Variants in NAV2 observed in about 807,000 individuals in gnomAD.
NAV2 encodes neuron navigator 2.
NAV2 carries 54 observed loss-of-function variants against 223.2 expected under a neutral mutation model. The ratio of observed to expected loss-of-function variants is 0.24; its 90% CI spans 0.19 to 0.30. The LOEUF is 0.30. NAV2 is among the 10% of genes least tolerant of loss of function. The pLI is 1.00. For synonymous variants in NAV2, 1,279 were observed against 1,239.3 expected, an observed-to-expected ratio of 1.03 and a Z score of -0.67; for missense variants, 2,806 against 3,147.5, an observed-to-expected ratio of 0.89 and a Z score of 2.60.
At chr11:19,390,795 A>G (rs2729854) in intron 1 of NAV2, among the ~76,000 whole-genome samples, 108,145 of 152,042 alleles carry the variant, frequency 0.71, 38,805 homozygotes, top group Admixed American at 0.77. Context: ...CAGGGGAAGA[A>G]GAAGCCAAAT....
chr11:20,048,800 C>A lies in NAV2; in HGVS notation c.3975C>A (p.Ile1325=), dbSNP rs1338439909. 41 of 1,614,070 alleles carry A rather than the reference C, an allele frequency of 2.5e-5. No homozygotes were observed. The highest frequency in any genetic ancestry group is 3.5e-5 in the Non-Finnish European group (41 of 1,180,036). Residue 1325 remains isoleucine, a synonymous_variant, in exon 15 of 38, where the codon ATC becomes ATA. Transcript: ENST00000349880. ...TAENMKNSVV[I]SNPHATMTQQ... is the part of the protein sequence containing the mutation. ...AAAACATGAAAAATTCGGTGGTCATCTCCAATCCTCATGCCACCATGACTC... is the reference window on the plus strand; with the variant it reads ...AAAACATGAAAAATTCGGTGGTCATATCCAATCCTCATGCCACCATGACTC...
intron 1 of NAV2, among the ~76,000 whole-genome samples, chr11:19,777,013 C>T (rs530949395): frequency 1.3e-5 from 2 of 151,994 alleles, no homozygotes; most frequent in South Asian, 4.1e-4. Context: ...GCGGCAGTGG[C>T]GAAGGGCCCA....
At chr11:19,812,717 A>G (rs2058893623) in intron 1 of NAV2, among the ~76,000 whole-genome samples, 1 of 152,104 alleles carries the variant, frequency 6.6e-6, no homozygotes, top group Non-Finnish European at 1.5e-5. Flanking sequence ...TGATTTAAAC[A>G]CTGCATACCA....
In NAV2 at chr11:19,713,387, G is replaced by T. The variant is rs1434756571; in HGVS notation, c.-309G>T. The T allele has an allele frequency of 3.4e-6, 4 of 1,193,504 alleles. No homozygotes were observed. Among genetic ancestry groups the T allele is most frequent in the Admixed American group, 4.4e-5 (1 of 22,698 alleles). 73.9% of individuals were successfully genotyped at this position (1,193,504 alleles called of 1,614,324 possible). ...TCCCAGGAGGAAATTTGCAAGAGGCGGCAGCCCCTGAGCGCCCAGAGCTCT... is the reference window on the plus strand; with the variant it reads ...TCCCAGGAGGAAATTTGCAAGAGGCTGCAGCCCCTGAGCGCCCAGAGCTCT... On this transcript the variant is annotated 5_prime_UTR_variant, in exon 1 of 38. Coordinates refer to ENST00000349880, the MANE Select transcript of NAV2 (RefSeq NM_145117.5). This position sits in a 1 kb window ranked among gnomAD's most constrained non-coding sequence, Gnocchi z 7.2.
chr11:19,974,810 G>A (rs73432273), intron 10 of NAV2, among the ~76,000 whole-genome samples: 7,264 of 152,158 alleles, frequency 0.048, 570 homozygotes, highest in African/African-American at 0.16. Context: ...GGGGGAAGAG[G>A]GGATATAAAG....
At chr11:19,904,482 G>A (rs2042701923) in intron 6 of NAV2, among the ~76,000 whole-genome samples, 2 of 152,086 alleles carry the variant, frequency 1.3e-5, no homozygotes, top group Admixed American at 6.5e-5. Flanking sequence ...TCTGGACTAG[G>A]TACAACCTCT....
At chr11:19,425,495 A>G (rs1355402491) in intron 1 of NAV2, among the ~76,000 whole-genome samples, 1 of 152,188 alleles carries the variant, frequency 6.6e-6, no homozygotes, top group African/African-American at 2.4e-5. Context: ...CTTGTCTTAC[A>G]TGCGTGGGAA....
rs1376159886 is a variant in NAV2, at chr11:19,357,816, G to A, written c.75+6789G>A. On this transcript the variant is annotated intron_variant, in intron 1 of 37. Transcript: ENST00000360655. The stretch of plus-strand genomic sequence containing the variant: ...CTACTTCGACTTCATCTTTCCACAC[G>A]TTAAATTACAATATACAGGACCCTG... 2.6e-5 allele frequency among the ~76,000 whole-genome samples: 4 copies of A among 152,124 alleles called. No homozygotes were observed. The East Asian group carries it at 5.8e-4, about 22-fold the overall frequency.
At chr11:19,675,959 T>C (rs1367523817) in intron 1 of NAV2, among the ~76,000 whole-genome samples, 1 of 152,234 alleles carries the variant, frequency 6.6e-6, no homozygotes, top group African/African-American at 2.4e-5. Context: ...TAAGGGCAGA[T>C]ATGATTGTTA....
Position 20,114,584 on chromosome 11 carries a change from G to A in NAV2, c.6961-8G>A, listed in dbSNP as rs758694710. The A allele has an allele frequency of 6.2e-6, 10 of 1,613,768 alleles. No homozygotes were observed. Among genetic ancestry groups the A allele is most frequent in the Non-Finnish European group, 8.5e-6 (10 of 1,179,980 alleles). ...CTTCCAGACTGTTCCTTCTTTGCCT[G>A]TTTTCAGCTCTATGGAAGGCGCGCC... On this transcript the variant is annotated splice_polypyrimidine_tract_variant and splice_region_variant and intron_variant, in intron 36 of 37. Coordinates refer to ENST00000349880, the MANE Select transcript of NAV2 (RefSeq NM_145117.5).
At chr11:19,864,510 T>G (rs2061975846) in intron 3 of NAV2, among the ~76,000 whole-genome samples, 1 of 152,224 alleles carries the variant, frequency 6.6e-6, no homozygotes, top group South Asian at 2.1e-4. Context: ...AATGCAAAGT[T>G]TTCCATTTGC....
chr11:19,634,767 T>TG (rs1266213892), intron 1 of NAV2, among the ~76,000 whole-genome samples: 1 of 152,158 alleles, frequency 6.6e-6, no homozygotes, highest in Non-Finnish European at 1.5e-5. Flanking sequence ...GACAGAATTC[T>TG]GGGGCACTGC....
chr11:19,417,126 C>G (rs1850404642), intron 1 of NAV2, among the ~76,000 whole-genome samples: 1 of 152,160 alleles, frequency 6.6e-6, no homozygotes. Context: ...AGCTTCTGCA[C>G]AGCAAAAGGA....
At chr11:19,885,070 G>A (rs181086959) in intron 5 of NAV2, among the ~76,000 whole-genome samples, 110 of 152,262 alleles carry the variant, frequency 7.2e-4, no homozygotes, top group African/African-American at 1.9e-3. Context: ...GTTATATCAC[G>A]TTGCATCATT....
intron 1 of NAV2, among the ~76,000 whole-genome samples, chr11:19,831,360 G>A (rs1214202294): frequency 1.3e-5 from 2 of 151,858 alleles, no homozygotes; most frequent in Non-Finnish European, 2.9e-5. Context: ...TGGATCCTCG[G>A]AGCAGGCCTA....
intron 1 of NAV2, among the ~76,000 whole-genome samples, chr11:19,765,296 A>G (rs373366453): frequency 5.9e-5 from 9 of 152,134 alleles, no homozygotes; most frequent in East Asian, 3.9e-4. Context: ...ATGGGAGTCT[A>G]TCACATCATC....
intron 1 of NAV2, among the ~76,000 whole-genome samples, chr11:19,575,957 T>C (rs1270130658): frequency 6.6e-6 from 1 of 152,198 alleles, no homozygotes; most frequent in Non-Finnish European, 1.5e-5. Flanking sequence ...TGGACTCTAA[T>C]AGATGCCCAG....
chr11:19,822,137 G>C lies in NAV2; in HGVS notation c.268-10347G>C, dbSNP rs565141422. Among the ~76,000 whole-genome samples, 504 of 152,316 alleles carry C rather than the reference G, an allele frequency of 3.3e-3. 4 individuals are homozygous for C. Among genetic ancestry groups the C allele is most frequent in the Non-Finnish European group, 3.9e-3 (264 of 68,034 alleles). On this transcript the variant is annotated intron_variant, in intron 1 of 37. Transcript: ENST00000349880. The stretch of plus-strand genomic sequence containing the variant: ...ATTATAATCACAGCTAACCTGTTGA[G>C]CCCTTGCCGTGTGTCAGGCATTGGT...
chr11:20,083,484 A>T (rs1419614690), intron 26 of NAV2, among the ~76,000 whole-genome samples: 2 of 152,202 alleles, frequency 1.3e-5, no homozygotes, highest in Non-Finnish European at 2.9e-5. Flanking sequence ...TTGTGTACGT[A>T]TCCTAGCCCT....
Sources: allele counts gnomAD v4.1 joint callset (sites outside exome capture counted in the v4.1 genomes callset), GRCh38; gene constraint gnomAD v4.1.1; non-coding constraint Gnocchi (gnomAD v3.1); transcripts MANE v1.5; gene names NCBI Gene and HGNC (gene_info 2026-07-23, HGNC 2026-07-21).